Variants in P4HA2 observed in about 807,000 individuals in gnomAD.
P4HA2 encodes prolyl 4-hydroxylase subunit alpha-2.
In P4HA2, 46 loss-of-function variants were observed where a neutral mutation model predicts 76.9. That is an observed-to-expected ratio of 0.60 (90% CI 0.47 to 0.76). The LOEUF (loss-of-function observed/expected upper bound fraction) is 0.76, where lower values mean the gene tolerates loss of function less well. P4HA2 is among the 30% of genes least tolerant of loss of function. The pLI is 0.00. For missense variants in P4HA2, 583 were observed against 669.4 expected, an observed-to-expected ratio of 0.87 and a Z score of 1.42; for synonymous variants, 243 against 254.0, an observed-to-expected ratio of 0.96 and a Z score of 0.41.
At position 132,191,468 on chromosome 5, in the gene P4HA2, C is replaced by T. The variant is rs1202686728; in HGVS notation, c.*1542G>A. 2.7e-5 allele frequency among the ~76,000 whole-genome samples: 4 copies of T among 147,364 alleles called. No individual in the cohort carries two copies. The highest frequency in any genetic ancestry group is 6.8e-5 in the Admixed American group (1 of 14,796). ...CGGAGCTTGCAGTGAGCCGAGATCC[C>T]GCCACTGCACTCCAGCCTGGGCGAC... On this transcript the variant is annotated 3_prime_UTR_variant, in exon 15 of 15. Coordinates refer to ENST00000360568, the MANE Select transcript of P4HA2 (RefSeq NM_001017974.2).
intron 10 of P4HA2, chr5:132,202,522 CAG>C (rs1249128940): frequency 6.6e-6 from 1 of 152,174 alleles, no homozygotes; most frequent in African/African-American, 2.4e-5. Context: ...TTTGGCCAAA[CAG>C]AGAGACCCAG....
intron 11 of P4HA2, 108 bp from the exon 12 acceptor site, chr5:132,198,488 A>C: frequency 1.9e-6 from 2 of 1,034,988 alleles, no homozygotes; most frequent in Non-Finnish European, 2.9e-6. Context: ...TGTTCCATAA[A>C]TCAGCCTGGA....
chr5:132,199,218 T>C (rs1464900890), intron 10 of P4HA2, among the ~76,000 whole-genome samples: 1 of 152,230 alleles, frequency 6.6e-6, no homozygotes. Context: ...CAGCCCTTCA[T>C]GGACACTCAG....
rs1039397326 is a variant in P4HA2 at position 132,198,779 on chromosome 5, G to A, written c.1305+100C>T. ...CAGAGGTGGAGGGAGGACAAGGGGT[G>A]GGGGTACTGATGTGGAGGCTGAAAT... On this transcript the variant is annotated intron_variant, in intron 11 of 14. Coordinates refer to ENST00000360568, the MANE Select transcript of P4HA2 (RefSeq NM_001017974.2). 4 of 818,242 alleles carry A rather than the reference G, an allele frequency of 4.9e-6. No homozygotes were observed. The African/African-American group carries it at 5.0e-5, about 10-fold the overall frequency. 50.7% of individuals were successfully genotyped at this position (818,242 alleles called of 1,614,324 possible).
intron 5 of P4HA2, among the ~76,000 whole-genome samples, chr5:132,211,497 C>T (rs1236046313): frequency 6.6e-6 from 1 of 152,222 alleles, no homozygotes; most frequent in Non-Finnish European, 1.5e-5. Flanking sequence ...GAAACCACTA[C>T]ACAGTAGGCT....
chr5:132,206,310 T>A (rs1176275724), intron 8 of P4HA2, among the ~76,000 whole-genome samples: 1 of 152,076 alleles, frequency 6.6e-6, no homozygotes, highest in Non-Finnish European at 1.5e-5. Flanking sequence ...GGAGTCCTAG[T>A]CCCCATTCTC....
At chr5:132,214,092 C>A in intron 4 of P4HA2, 39 bp from the exon 5 acceptor site, 1 of 1,604,258 alleles carries the variant, frequency 6.2e-7, no homozygotes, top group African/African-American at 1.3e-5. Context: ...TACCCTTGAT[C>A]CAGGGGCAGA....
At chr5:132,198,110 A>T in intron 12 of P4HA2, 1 of 1,562,620 alleles carries the variant, frequency 6.4e-7, no homozygotes, top group South Asian at 1.2e-5. Context: ...ACCATTACTT[A>T]ACAGCAGATG....
intron 4 of P4HA2, among the ~76,000 whole-genome samples, chr5:132,215,850 TAAAAA>T (rs539378974): frequency 1.4e-3 from 116 of 81,896 alleles, no homozygotes; most frequent in African/African-American, 3.1e-3. Context: ...CCTGTCCCTT[TAAAAA>T]AAAAAAAAAA....
In P4HA2 at chr5:132,210,758, C is replaced by A. The variant is rs144290551; in HGVS notation, c.470-235G>T. ...CCTCTTAGCCTCAGATTCCCCATCT[C>A]CCAAGTGGGAAGGGGCCTTTTTAGG... On this transcript the variant is annotated intron_variant, in intron 5 of 14. Coordinates refer to ENST00000360568, the MANE Select transcript of P4HA2 (RefSeq NM_001017974.2). 1.1e-3 allele frequency among the ~76,000 whole-genome samples: 175 copies of A among 152,224 alleles called. 1 individual carries two copies. In the East Asian group the frequency reaches 0.025, roughly 22 times the overall value.
Position 132,209,308 on chromosome 5 carries a change from C to G in P4HA2, c.733G>C (p.Gly245Arg). Residue 245 changes from glycine to arginine, a missense_variant, in exon 7 of 15, where the codon GGG (glycine) becomes CGG (arginine). By Grantham distance (125) the Gly-to-Arg change is moderately radical. Coordinates refer to ENST00000360568, the MANE Select transcript of P4HA2 (RefSeq NM_001017974.2). ...SLDPSHERAG[G>R]NLRYFEQLLE... The stretch of plus-strand genomic sequence containing the variant: ...AACTGCTCAAAGTACCGCAGATTCC[C>G]TCCAGCTCGTTCGTGGCTTGGGTCT... The G allele has an allele frequency of 6.2e-7, 1 of 1,614,052 alleles. No homozygotes were observed. Among genetic ancestry groups the G allele is most frequent in the Non-Finnish European group, 8.5e-7 (1 of 1,179,978 alleles).
At chr5:132,205,074 T>A (rs140593247) in intron 8 of P4HA2, among the ~76,000 whole-genome samples, 1 of 152,230 alleles carries the variant, frequency 6.6e-6, no homozygotes, top group African/African-American at 2.4e-5. Flanking sequence ...CCTGGCACTA[T>A]GCTAGGTAAC....
intron 7 of P4HA2, 59 bp from the exon 8 acceptor site, chr5:132,207,943 C>T: frequency 7.3e-7 from 1 of 1,378,880 alleles, no homozygotes; most frequent in Non-Finnish European, 9.8e-7. Flanking sequence ...CGGTCCCAGT[C>T]TGGCTGTCTG....
chr5:132,197,146 T>C (rs567186793), intron 12 of P4HA2, among the ~76,000 whole-genome samples: 10 of 152,034 alleles, frequency 6.6e-5, no homozygotes, highest in Non-Finnish European at 1.3e-4. Context: ...CTACAACCTA[T>C]GGATAAAACA....
At chr5:132,197,325 T>A (rs1191875416) in intron 12 of P4HA2, among the ~76,000 whole-genome samples, 5 of 151,992 alleles carry the variant, frequency 3.3e-5, no homozygotes, top group Non-Finnish European at 7.4e-5. Context: ...GGAACCAGAA[T>A]GGCAGGGCGC....
Position 132,210,324 on chromosome 5 carries a change from C to G in P4HA2, c.669G>C (p.Leu223=). Residue 223 remains leucine, a synonymous_variant, in exon 6 of 15, where the codon CTG becomes CTC. Transcript: ENST00000360568. ...GGCGGGTGAGCTCCAGGGCACGGTG[C>G]AGATCACCCAACTGGAAGACAGCAT... ...LSYAVFQLGD[L]HRALELTRRL... is the part of the protein sequence containing the mutation. 1 of 1,614,062 alleles carries G rather than the reference C, an allele frequency of 6.2e-7. No homozygotes were observed. Among genetic ancestry groups the G allele is most frequent in the Non-Finnish European group, 8.5e-7 (1 of 1,179,988 alleles).
intron 8 of P4HA2, among the ~76,000 whole-genome samples, chr5:132,204,833 T>C (rs1362489698): frequency 6.6e-6 from 1 of 152,230 alleles, no homozygotes; most frequent in Non-Finnish European, 1.5e-5. Flanking sequence ...AGGTACACAC[T>C]ACACATGCAC....
intron 2 of P4HA2, 189 bp from the exon 3 acceptor site, chr5:132,218,037 G>A (rs1754170031): frequency 3.9e-6 from 2 of 511,668 alleles, no homozygotes; most frequent in South Asian, 5.7e-5. Context: ...CGCAACTTCA[G>A]GAAGAAAGAG....
chr5:132,199,863 G>A (rs765289987), intron 10 of P4HA2: 6 of 152,200 alleles, frequency 3.9e-5, no homozygotes, highest in Non-Finnish European at 1.5e-5. Flanking sequence ...CCAACAGTCA[G>A]GTGAGAGATG....
Sources: gnomAD v4.1 joint callset for allele counts (sites outside exome capture counted in the v4.1 genomes callset) on GRCh38, gnomAD v4.1.1 for gene constraint, MANE v1.5 for transcripts, NCBI Gene and HGNC (gene_info 2026-07-23, HGNC 2026-07-21) for gene names.